The following LRRC7 variants were observed in gnomAD, a reference collection of about 807,000 sequenced individuals.
LRRC7 encodes leucine rich repeat containing 7.
LRRC7 carries 23 observed loss-of-function variants against 175.7 expected under a neutral mutation model. That is an observed-to-expected ratio of 0.13 (90% confidence interval 0.09 to 0.19). The LOEUF is 0.19. Among genes scored for constraint, LRRC7 ranks in the 10% least tolerant of loss-of-function variants. The probability of loss-of-function intolerance (pLI) is 1.00; values close to 1 mark genes in which losing one functional copy is unlikely to be tolerated. For missense variants in LRRC7, 1,354 were observed against 1,904.7 expected (o/e 0.71, Z 5.38); for synonymous variants, 685 against 680.9 (o/e 1.01, Z -0.09).
chr1:69,599,022 T>A (rs1175322923), intron 1 of LRRC7, among the ~76,000 whole-genome samples: 2 of 152,094 alleles, frequency 1.3e-5, no homozygotes, highest in Non-Finnish European at 2.9e-5. Flanking sequence ...GGCTCAAATG[T>A]GACTGAAGCT....
intron 8 of LRRC7, among the ~76,000 whole-genome samples, chr1:69,979,145 T>C (rs1653150911): frequency 6.6e-6 from 1 of 152,190 alleles, no homozygotes; most frequent in African/African-American, 2.4e-5. Context: ...TTGTATGTGT[T>C]CTGAATGGGC....
chr1:69,742,635 T>A (rs985572674), intron 2 of LRRC7, among the ~76,000 whole-genome samples: 1 of 151,966 alleles, frequency 6.6e-6, no homozygotes, highest in Non-Finnish European at 1.5e-5. Flanking sequence ...TAATAATGTT[T>A]ACTAAATTTT....
chr1:69,963,981 C>T (rs1329670301), intron 8 of LRRC7, among the ~76,000 whole-genome samples: 1 of 152,172 alleles, frequency 6.6e-6, no homozygotes, highest in Admixed American at 6.5e-5. Context: ...TATCTGATCT[C>T]CTCCTATGCT....
chr1:69,927,569 C>A lies in LRRC7; in HGVS notation c.648-3938C>A, dbSNP rs1229226728. On this transcript the variant is annotated intron_variant, in intron 7 of 26. Transcript: ENST00000651989. ...TCATTTCATTCATTTCATCTTCCATCACTGATACCCTTTCTTCCAGTTGAT... is the reference window on the plus strand; with the variant it reads ...TCATTTCATTCATTTCATCTTCCATAACTGATACCCTTTCTTCCAGTTGAT... Among the ~76,000 whole-genome samples the A allele has an allele frequency of 2.6e-5, 4 of 152,176 alleles. No individual in the cohort carries two copies. In the South Asian group the frequency reaches 6.2e-4, roughly 24 times the overall value.
At chr1:69,754,130 G>A (rs1042100296) in intron 2 of LRRC7, among the ~76,000 whole-genome samples, 14 of 152,002 alleles carry the variant, frequency 9.2e-5, no homozygotes, top group Admixed American at 5.3e-4. Flanking sequence ...AGACCATATC[G>A]TACTTGGTAG....
intron 2 of LRRC7, among the ~76,000 whole-genome samples, chr1:69,741,856 A>C (rs1472979150): frequency 2.0e-5 from 3 of 151,928 alleles, no homozygotes; most frequent in Non-Finnish European, 4.4e-5. Context: ...TCTTCAAACT[A>C]TTCTCCACAG....
chr1:70,123,044 T>C lies in LRRC7; in HGVS notation c.*1157T>C, dbSNP rs978859244. 1 of 152,534 alleles carries C rather than the reference T, an allele frequency of 6.6e-6. No homozygotes were observed. The highest frequency in any genetic ancestry group is 1.5e-5 in the Non-Finnish European group (1 of 67,962). The allele number at this position is 152,534 out of a possible 1,614,324, so 9.4% of individuals were successfully genotyped here. On this transcript the variant is annotated 3_prime_UTR_variant, in exon 27 of 27. Coordinates refer to ENST00000651989, the MANE Select transcript of LRRC7 (RefSeq NM_001370785.2). ...GCAGAAATAGATAAAATACTTTTTTTCCAAAAACAGTTTCAAGGTATGTAA... is the reference window on the plus strand; with the variant it reads ...GCAGAAATAGATAAAATACTTTTTTCCCAAAAACAGTTTCAAGGTATGTAA...
rs542318757 is a variant in LRRC7 at position 69,667,185 on chromosome 1, C to T, written c.3-11196C>T. On this transcript the variant is annotated intron_variant, in intron 1 of 26. Transcript: ENST00000651989. ...AGAGAAGGTGCTTAATATTATTTCA[C>T]ATTTTTTGAATGTTTTAAGACTTGT... 2.6e-4 allele frequency among the ~76,000 whole-genome samples: 39 copies of T among 152,170 alleles called. 1 individual carries two copies. In the South Asian group the frequency reaches 7.7e-3, roughly 30 times the overall value.
intron 17 of LRRC7, among the ~76,000 whole-genome samples, chr1:70,024,139 G>C (rs1285149321): frequency 6.6e-6 from 1 of 151,892 alleles, no homozygotes; most frequent in Non-Finnish European, 1.5e-5. Flanking sequence ...AACTAAAATT[G>C]CTATAAGTTT....
At chr1:69,904,216 G>C (rs1646225398) in intron 7 of LRRC7, among the ~76,000 whole-genome samples, 1 of 152,124 alleles carries the variant, frequency 6.6e-6, no homozygotes, top group Non-Finnish European at 1.5e-5. Flanking sequence ...TAAACAAGTT[G>C]AGTCTGATGC....
chr1:69,687,261 C>A (rs1661265440), intron 2 of LRRC7, among the ~76,000 whole-genome samples: 1 of 152,046 alleles, frequency 6.6e-6, no homozygotes, highest in African/African-American at 2.4e-5. Flanking sequence ...GTAATCCCAG[C>A]ACTTTGGCAG....
At chr1:69,781,945 A>AGAGAG (rs1348084581) in intron 3 of LRRC7, among the ~76,000 whole-genome samples, 3,565 of 145,576 alleles carry the variant, frequency 0.024, 216 homozygotes, top group African/African-American at 0.086. Flanking sequence ...AGAAAGAGAA[A>AGAGAG]AGAAAAGAAA....
intron 24 of LRRC7, among the ~76,000 whole-genome samples, chr1:70,078,112 G>T (rs191965133): frequency 8.5e-5 from 13 of 152,266 alleles, no homozygotes; most frequent in Admixed American, 5.9e-4. Context: ...ATAAATACTC[G>T]TGGTGATAGG....
chr1:69,696,099 G>A lies in LRRC7; in HGVS notation c.100+17621G>A, dbSNP rs12070793. ...ACTGGCAGCTTGTATCATTGGCCTC[G>A]ACAGGCTACAGGCACTCAACTCCAA... On this transcript the variant is annotated intron_variant, in intron 2 of 26. Coordinates refer to ENST00000651989, the MANE Select transcript of LRRC7 (RefSeq NM_001370785.2). Among the ~76,000 whole-genome samples the A allele has an allele frequency of 2.0e-5, 3 of 152,160 alleles. No individual in the cohort carries two copies. In the East Asian group the frequency reaches 5.8e-4, roughly 29 times the overall value.
chr1:69,798,260 C>T (rs1676042359), intron 4 of LRRC7, among the ~76,000 whole-genome samples: 1 of 152,050 alleles, frequency 6.6e-6, no homozygotes, highest in Non-Finnish European at 1.5e-5. Flanking sequence ...TACTGAAGAG[C>T]TTCCTCAAAT....
intron 5 of LRRC7, among the ~76,000 whole-genome samples, chr1:69,832,696 A>G (rs887094181): frequency 6.6e-6 from 1 of 152,190 alleles, no homozygotes; most frequent in Admixed American, 6.5e-5. Context: ...TGCATTCCCT[A>G]TGACCAATGA....
chr1:70,103,046 T>C (rs903910546), intron 25 of LRRC7, among the ~76,000 whole-genome samples: 3 of 151,930 alleles, frequency 2.0e-5, no homozygotes, highest in Non-Finnish European at 4.4e-5. Context: ...CTGGGCAATA[T>C]GGCAAAACCC....
intron 4 of LRRC7, among the ~76,000 whole-genome samples, chr1:69,802,307 G>A (rs1676607671): frequency 6.6e-6 from 1 of 151,402 alleles, no homozygotes; most frequent in African/African-American, 2.4e-5. Context: ...TAAGTGTTGT[G>A]AGTGAGGTGT....
At chr1:69,599,382 T>C (rs547572057) in intron 1 of LRRC7, among the ~76,000 whole-genome samples, 3 of 152,312 alleles carry the variant, frequency 2.0e-5, no homozygotes, top group African/African-American at 7.2e-5. Context: ...GTAAACCTTC[T>C]ATTCTCATGA....
Sources: allele counts gnomAD v4.1 joint callset (sites outside exome capture counted in the v4.1 genomes callset), GRCh38; gene constraint gnomAD v4.1.1; transcripts MANE v1.5; gene names NCBI Gene and HGNC (gene_info 2026-07-23, HGNC 2026-07-21).